The following STON2 variants were observed in gnomAD, a reference collection of about 807,000 sequenced individuals.
The protein encoded by STON2 is stonin-2.
Under a neutral mutation model 65.7 loss-of-function variants are expected in STON2, and 29 were observed. That is an observed-to-expected ratio of 0.44 (90% CI 0.33 to 0.60). STON2 has a LOEUF of 0.60. Ranked by LOEUF, STON2 falls within the 20% of genes least tolerant of loss-of-function variation. The pLI is 0.03. For missense variants in STON2, 1,054 were observed against 1,118.1 expected (o/e 0.94, Z 0.82); for synonymous variants, 404 against 414.2 (o/e 0.98, Z 0.30).
rs575287894 is a variant in STON2 at position 81,262,366 on chromosome 14, AC to A, written c.*6047del. ...TAGGGAAGCTGGCTGCTAACACAGC[AC>A]CTGACCAGAGTAGACATTTGATAAA... On this transcript the variant is annotated 3_prime_UTR_variant, in exon 8 of 8. Transcript: ENST00000614646. The A allele has an allele frequency of 2.0e-4, 193 of 985,466 alleles. 8 individuals carry two copies. In the East Asian group the frequency reaches 0.012, roughly 63 times the overall value. The allele number at this position is 985,466 out of a possible 1,614,324, so 61.0% of individuals were successfully genotyped here. A position where few individuals can be genotyped will look rare whatever the true frequency, so the allele number is the denominator to read the frequency against.
intron 4 of STON2, among the ~76,000 whole-genome samples, chr14:81,367,080 G>A (rs578118737): frequency 6.6e-6 from 1 of 152,316 alleles, no homozygotes; most frequent in African/African-American, 2.4e-5. Context: ...CCACAAGCCT[G>A]GTGCCAGGCA....
chr14:81,384,079 G>A (rs1407863704), intron 3 of STON2, among the ~76,000 whole-genome samples: 1 of 151,960 alleles, frequency 6.6e-6, no homozygotes, highest in Admixed American at 6.6e-5. Context: ...AAGGCTTGCT[G>A]CCCCATTTCC....
chr14:81,410,278 C>CAAAAAAAAAAAAAAAAAAAAAA (rs1161157573), intron 2 of STON2, among the ~76,000 whole-genome samples: 4 of 45,778 alleles, frequency 8.7e-5, no homozygotes, highest in Non-Finnish European at 1.9e-4. Context: ...TAACTCTAAC[C>CAAAAAAAAAAAAAAAAAAAAAA]AAAAAAAAAA....
At chr14:81,369,125 C>T (rs1898872262) in intron 4 of STON2, among the ~76,000 whole-genome samples, 1 of 152,146 alleles carries the variant, frequency 6.6e-6, no homozygotes, top group African/African-American at 2.4e-5. Context: ...GTCGCCATAG[C>T]TCCTGTTGGG....
rs554470894 is a variant in STON2 at position 81,382,289 on chromosome 14, T to C, written c.374-11104A>G. Among the ~76,000 whole-genome samples the C allele has an allele frequency of 6.6e-5, 10 of 152,214 alleles. No homozygotes were observed. The Middle Eastern group carries it at 0.01, about 155-fold the overall frequency. On this transcript the variant is annotated intron_variant, in intron 3 of 7. Transcript: ENST00000614646. ...AAAAACAGAATGGATAAATGGATTG[T>C]AGCATATTACTATAATGGAACACAG...
At chr14:81,268,931 G>T (rs150705449) in intron 7 of STON2, among the ~76,000 whole-genome samples, 1 of 152,228 alleles carries the variant, frequency 6.6e-6, no homozygotes, top group Non-Finnish European at 1.5e-5. Flanking sequence ...GAATACAGTG[G>T]GCAATCGACA....
At chr14:81,354,672 C>A (rs974232897) in intron 4 of STON2, among the ~76,000 whole-genome samples, 1 of 151,728 alleles carries the variant, frequency 6.6e-6, no homozygotes, top group African/African-American at 2.4e-5. Flanking sequence ...AAAATAGAAA[C>A]AACAACAAAA....
At chr14:81,331,335 C>A (rs1897206716) in intron 4 of STON2, among the ~76,000 whole-genome samples, 1 of 152,170 alleles carries the variant, frequency 6.6e-6, no homozygotes. Flanking sequence ...GTGCTAATTT[C>A]TTTACATTTG....
chr14:81,418,519 C>G (rs766039367), intron 2 of STON2, among the ~76,000 whole-genome samples: 1 of 152,126 alleles, frequency 6.6e-6, no homozygotes, highest in East Asian at 1.9e-4. Context: ...ACCCAGATTA[C>G]AGTTTAAAGC....
chr14:81,384,116 TCAAA>T (rs1222005703), intron 3 of STON2, among the ~76,000 whole-genome samples: 2 of 152,272 alleles, frequency 1.3e-5, no homozygotes, highest in Admixed American at 6.6e-5. Context: ...CATTTACCTC[TCAAA>T]CAGTCACTCC....
chr14:81,404,017 G>A (rs1272392494), upstream of STON2, among the ~76,000 whole-genome samples: 3 of 152,146 alleles, frequency 2.0e-5, no homozygotes, highest in African/African-American at 7.2e-5. Context: ...TTAGAATAGG[G>A]TATGGCTTTT....
chr14:81,331,013 C>T, intron 4 of STON2, among the ~76,000 whole-genome samples: 1 of 152,200 alleles, frequency 6.6e-6, no homozygotes, highest in Non-Finnish European at 1.5e-5. Flanking sequence ...ATGGCACCAC[C>T]AAAGCCACGG....
chr14:81,360,296 T>A (rs906930784), intron 4 of STON2, among the ~76,000 whole-genome samples: 1 of 152,126 alleles, frequency 6.6e-6, no homozygotes, highest in African/African-American at 2.4e-5. Context: ...ACTGGCAAAC[T>A]AAATTTAATA....
At chr14:81,394,232 A>G (rs1329400007) in intron 3 of STON2, among the ~76,000 whole-genome samples, 1 of 152,190 alleles carries the variant, frequency 6.6e-6, no homozygotes, top group Non-Finnish European at 1.5e-5. Context: ...ATATGAAAAA[A>G]TAGACATAAA....
chr14:81,428,104 C>G (rs1271307001), intron 1 of STON2, among the ~76,000 whole-genome samples: 2 of 152,188 alleles, frequency 1.3e-5, no homozygotes, highest in African/African-American at 4.8e-5. Context: ...CATGGTATAA[C>G]CACTCAGCAG....
intron 4 of STON2, among the ~76,000 whole-genome samples, chr14:81,330,010 G>A (rs941010528): frequency 2.0e-5 from 3 of 152,150 alleles, no homozygotes; most frequent in South Asian, 2.1e-4. Context: ...GAGGGAAAGG[G>A]GGAATATTAA....
intron 3 of STON2, 122 bp from the exon 4 acceptor site, chr14:81,371,307 AG>A (rs1898981685): frequency 2.2e-6 from 2 of 910,782 alleles, no homozygotes; most frequent in South Asian, 1.7e-5. Flanking sequence ...ATATGAGGCA[AG>A]GAAGTCTTGT....
At position 81,262,782 on chromosome 14, in the gene STON2, CATTCTT is replaced by C. The variant is rs775909246; in HGVS notation, c.*5626_*5631del. 3 of 985,276 alleles carry C rather than the reference CATTCTT, an allele frequency of 3.0e-6. No individual in the cohort carries two copies. The highest frequency in any genetic ancestry group is 3.6e-6 in the Non-Finnish European group (3 of 829,916). 61.0% of individuals were successfully genotyped at this position (985,276 alleles called of 1,614,324 possible). On this transcript the variant is annotated 3_prime_UTR_variant, in exon 8 of 8. Transcript: ENST00000614646. Reference sequence around the variant, plus strand: ...CACTAGAAGAAATGTAAAAATCTCACATTCTTGTTCTAGTTAATACATGGGAGAATA... The same window carrying C: ...CACTAGAAGAAATGTAAAAATCTCACGTTCTAGTTAATACATGGGAGAATA...
intron 5 of STON2, among the ~76,000 whole-genome samples, chr14:81,320,687 T>C (rs1039457756): frequency 6.6e-6 from 1 of 151,986 alleles, no homozygotes; most frequent in African/African-American, 2.4e-5. Context: ...CTATTTTGTA[T>C]TATCCTTTGG....
Sources: gnomAD v4.1 joint callset for allele counts (sites outside exome capture counted in the v4.1 genomes callset) on GRCh38, gnomAD v4.1.1 for gene constraint, MANE v1.5 for transcripts, NCBI Gene and HGNC (gene_info 2026-07-23, HGNC 2026-07-21) for gene names.